The following ZNRF3 variants were observed in gnomAD, a reference collection of about 807,000 sequenced individuals.
The protein encoded by ZNRF3 is zinc and ring finger 3, also known as E3 ubiquitin-protein ligase ZNRF3.
Under a neutral mutation model 72.5 loss-of-function variants are expected in ZNRF3, and 23 were observed. The observed-to-expected ratio is 0.32, with a 90% CI of 0.23 to 0.45. The LOEUF is 0.45. ZNRF3 is among the 20% of genes least tolerant of loss of function. The pLI, the probability that ZNRF3 is intolerant of heterozygous loss-of-function variation, is 1.00. For synonymous variants in ZNRF3, 610 were observed against 545.3 expected (o/e 1.12, Z -1.65); for missense variants, 1,169 against 1,272.1 (o/e 0.92, Z 1.23).
intron 2 of ZNRF3, among the ~76,000 whole-genome samples, chr22:29,035,371 A>G (rs545951152): frequency 6.1e-4 from 93 of 152,356 alleles, no homozygotes; most frequent in Non-Finnish European, 7.6e-4. Context: ...CAGAGAAAAT[A>G]TAGAAATCTG....
chr22:29,011,992 C>T (rs1414663510), intron 2 of ZNRF3, among the ~76,000 whole-genome samples: 2 of 152,202 alleles, frequency 1.3e-5, no homozygotes, highest in African/African-American at 4.8e-5. Flanking sequence ...AGCCGGGGGA[C>T]CCTGCAACCA....
At chr22:28,932,222 G>C (rs2034719898) in intron 1 of ZNRF3, among the ~76,000 whole-genome samples, 1 of 152,158 alleles carries the variant, frequency 6.6e-6, no homozygotes. Flanking sequence ...AGAGCTGATG[G>C]CTTATCTTAG....
At chr22:29,035,329 G>A (rs1165469515) in intron 2 of ZNRF3, among the ~76,000 whole-genome samples, 2 of 152,142 alleles carry the variant, frequency 1.3e-5, no homozygotes, top group Non-Finnish European at 2.9e-5. Flanking sequence ...CAGAATATGA[G>A]TACAAGGATA....
chr22:28,934,577 G>A (rs145746633), intron 1 of ZNRF3, among the ~76,000 whole-genome samples: 5,139 of 152,172 alleles, frequency 0.034, 188 homozygotes, highest in African/African-American at 0.092. Context: ...CAGCATTTTG[G>A]GAGGCTGAGG....
rs776074587 is a variant in ZNRF3 at position 29,049,715 on chromosome 22, G to A, written c.1534G>A (p.Val512Met). The A allele has an allele frequency of 5.6e-6, 9 of 1,601,518 alleles. No homozygotes were observed. Among genetic ancestry groups the A allele is most frequent in the Middle Eastern group, 1.7e-4 (1 of 6,056 alleles). Residue 512 changes from valine (V) to methionine (M), a missense_variant, in exon 8 of 9, where the codon GTG becomes ATG. By Grantham distance (21) the Val-to-Met change is conservative (BLOSUM62 1). This residue lies in a region of ZNRF3 where 783 missense variants were observed against 731.4 expected (regional missense o/e 1.07). Coordinates refer to ENST00000544604, the MANE Select transcript of ZNRF3 (RefSeq NM_001206998.2). The surrounding 1 kb of genome is among the most constrained non-coding windows in gnomAD (Gnocchi z 5.2). The stretch of plus-strand genomic sequence containing the variant: ...CAGTGGCAGCCTGCTCTTCCCCACC[G>A]TGGTGCACGTGGCCCCGCCCTCCCA... ...SGSGSLLFPT[V>M]VHVAPPSHLE...
chr22:29,000,704 A>G (rs1482687211), intron 2 of ZNRF3, among the ~76,000 whole-genome samples: 3 of 152,244 alleles, frequency 2.0e-5, no homozygotes, highest in Non-Finnish European at 2.9e-5. Flanking sequence ...CAAGGTGTAC[A>G]GGAAGTGTGT....
intron 1 of ZNRF3, among the ~76,000 whole-genome samples, chr22:28,954,382 T>G (rs117793885): frequency 0.045 from 6,882 of 152,114 alleles, 230 homozygotes; most frequent in Non-Finnish European, 0.069. Context: ...CTTAGAAGGG[T>G]ACTAATCTCA....
intron 1 of ZNRF3, among the ~76,000 whole-genome samples, chr22:28,894,103 T>C (rs911014772): frequency 5.3e-5 from 8 of 151,758 alleles, no homozygotes; most frequent in African/African-American, 1.9e-4. Context: ...ACTACAGGCA[T>C]GCACCACCAT....
chr22:28,902,436 G>T (rs1229809766), intron 1 of ZNRF3, among the ~76,000 whole-genome samples: 2 of 151,878 alleles, frequency 1.3e-5, no homozygotes, highest in Non-Finnish European at 2.9e-5. Context: ...AGGCAGGAGT[G>T]CAGTGGTGTG....
chr22:29,046,951 C>CT (rs1423472984), intron 6 of ZNRF3, 68 bp downstream of exon 6: 6 of 1,377,264 alleles, frequency 4.4e-6, no homozygotes, highest in Non-Finnish European at 5.7e-6. Flanking sequence ...TGCCCAAGAC[C>CT]TAGAAGGACA....
chr22:28,897,907 A>C (rs1233724710), intron 1 of ZNRF3, among the ~76,000 whole-genome samples: 1 of 152,172 alleles, frequency 6.6e-6, no homozygotes, highest in African/African-American at 2.4e-5. Flanking sequence ...GGGATGTGAA[A>C]GGGGTGTTAA....
chr22:29,044,688 C>T, intron 4 of ZNRF3, 92 bp from the exon 5 acceptor site: 1 of 860,524 alleles, frequency 1.2e-6, no homozygotes, highest in Non-Finnish European at 2.0e-6. Flanking sequence ...CCCGGTCACC[C>T]CATCTTTATC....
chr22:29,053,497 G>A (rs1418402859), intron 8 of ZNRF3, 82 bp from the exon 9 acceptor site: 9 of 1,407,798 alleles, frequency 6.4e-6, no homozygotes, highest in Middle Eastern at 1.9e-4. Context: ...ACATGCTGGG[G>A]ACAGGGCCAC....
intron 1 of ZNRF3, among the ~76,000 whole-genome samples, chr22:28,890,106 C>T (rs1297626192): frequency 6.6e-6 from 1 of 152,198 alleles, no homozygotes; most frequent in Non-Finnish European, 1.5e-5. Context: ...CTGGGATTAT[C>T]CTTCCTTTTT....
At chr22:28,925,136 C>CTGA (rs2034578162) in intron 1 of ZNRF3, among the ~76,000 whole-genome samples, 1 of 152,180 alleles carries the variant, frequency 6.6e-6, no homozygotes, top group Non-Finnish European at 1.5e-5. Context: ...GCAAATCTTG[C>CTGA]TGACAGATAG....
At chr22:28,927,209 A>G (rs2034618498) in intron 1 of ZNRF3, among the ~76,000 whole-genome samples, 1 of 152,216 alleles carries the variant, frequency 6.6e-6, no homozygotes, top group Non-Finnish European at 1.5e-5. Context: ...TGGCAAAGTC[A>G]GCTTATCTGA....
chr22:28,987,575 T>C (rs1434579447), intron 2 of ZNRF3, among the ~76,000 whole-genome samples: 1 of 152,210 alleles, frequency 6.6e-6, no homozygotes, highest in African/African-American at 2.4e-5. Context: ...TTGGGGGGTT[T>C]AGAAAGGCAT....
chr22:28,921,934 A>G (rs1031370186), intron 1 of ZNRF3, among the ~76,000 whole-genome samples: 13 of 152,214 alleles, frequency 8.5e-5, no homozygotes, highest in African/African-American at 3.1e-4. Flanking sequence ...CTTATCCTAA[A>G]TGCTTGGGAC....
In ZNRF3 at chr22:29,010,031, C is replaced by T. The variant is rs1363479585; in HGVS notation, c.426+22830C>T. Among the ~76,000 whole-genome samples the T allele has an allele frequency of 4.0e-5, 6 of 151,788 alleles. No homozygotes were observed. The South Asian group carries it at 6.2e-4, about 16-fold the overall frequency. ...ATGCCATTCTCCTGCCTCAGCCTCCCGAGTAGCTGGGACTACAGGCATCTG... is the reference window on the plus strand; with the variant it reads ...ATGCCATTCTCCTGCCTCAGCCTCCTGAGTAGCTGGGACTACAGGCATCTG... On this transcript the variant is annotated intron_variant, in intron 2 of 8. Coordinates refer to ENST00000544604, the MANE Select transcript of ZNRF3 (RefSeq NM_001206998.2).
Sources: allele counts gnomAD v4.1 joint callset (sites outside exome capture counted in the v4.1 genomes callset), GRCh38; gene constraint gnomAD v4.1.1; regional missense constraint gnomAD v4.1.1; non-coding constraint Gnocchi (gnomAD v3.1); transcripts MANE v1.5; gene names NCBI Gene and HGNC (gene_info 2026-07-23, HGNC 2026-07-21).